The following CYRIB variants were observed in gnomAD, a reference collection of about 807,000 sequenced individuals.
The protein encoded by CYRIB is CYFIP-related Rac1 interactor B.
CYRIB carries 8 observed loss-of-function variants against 44.2 expected under a neutral mutation model. The ratio of observed to expected loss-of-function variants is 0.18; its 90% confidence interval spans 0.11 to 0.33. The LOEUF is 0.33. Among genes scored for constraint, CYRIB ranks in the 10% least tolerant of loss-of-function variants. CYRIB has a pLI of 1.00. For missense variants in CYRIB, 185 were observed against 382.8 expected, an observed-to-expected ratio of 0.48 and a Z score of 4.31; for synonymous variants, 131 against 127.2, an observed-to-expected ratio of 1.03 and a Z score of -0.20.
At chr8:129,861,859 A>G (rs1217601672) in intron 5 of CYRIB, among the ~76,000 whole-genome samples, 3 of 152,140 alleles carry the variant, frequency 2.0e-5, no homozygotes, top group Admixed American at 6.5e-5. Flanking sequence ...ATTATGAGAA[A>G]TCACTTGGTA....
At chr8:129,846,845 G>C (rs751442071) in exon 11 of CYRIB, 1 of 1,595,912 alleles carries the variant, frequency 6.3e-7, no homozygotes, top group Non-Finnish European at 8.5e-7. Context: ...TAGGAGGTTG[G>C]TCCTTAAGAA....
intron 2 of CYRIB, among the ~76,000 whole-genome samples, chr8:129,951,210 G>A (rs1002552173): frequency 1.2e-4 from 19 of 152,186 alleles, no homozygotes; most frequent in African/African-American, 3.6e-4. Flanking sequence ...AGGCTGGGGC[G>A]GGAGAATCAC....
intron 3 of CYRIB, among the ~76,000 whole-genome samples, chr8:129,875,619 A>C (rs2058837891): frequency 6.6e-6 from 1 of 152,152 alleles, no homozygotes; most frequent in Admixed American, 6.5e-5. Context: ...AAACAAAATA[A>C]AATCTTATCA....
chr8:129,990,740 T>C (rs1747701185), intron 1 of CYRIB, among the ~76,000 whole-genome samples: 2 of 151,866 alleles, frequency 1.3e-5, no homozygotes, highest in African/African-American at 4.8e-5. Flanking sequence ...CCCAGGCTTG[T>C]CTTGAACTCA....
intron 1 of CYRIB, among the ~76,000 whole-genome samples, chr8:129,982,227 G>GCCCT (rs2096265747): frequency 6.6e-6 from 1 of 152,156 alleles, no homozygotes; most frequent in African/African-American, 2.4e-5. Context: ...AGGCCCCAGA[G>GCCCT]CCCTGTCTGT....
At chr8:129,923,914 A>T (rs1290281245) in intron 1 of CYRIB, among the ~76,000 whole-genome samples, 2 of 149,984 alleles carry the variant, frequency 1.3e-5, no homozygotes, top group Non-Finnish European at 3.0e-5. Flanking sequence ...TTTTTTTTTT[A>T]AAACACTGCA....
intron 11 of CYRIB, chr8:129,844,152 C>A (rs2038364713): frequency 6.6e-6 from 1 of 152,164 alleles, no homozygotes. Flanking sequence ...GTAGAAAGAG[C>A]CAAGCAATGT....
Position 130,006,631 on chromosome 8 carries a change from T to TATATATGTGTATATATATACAC in CYRIB, c.-296+9738_-296+9739insGTGTATATATATACACATATAT, listed in dbSNP as rs1564799537. On this transcript the variant is annotated intron_variant, in intron 1 of 14. Transcript: ENST00000401979. The stretch of plus-strand genomic sequence containing the variant: ...ACATATATATGTGTATATATATACA[T>TATATATGTGTATATATATACAC]ATATATGTGTATATATATACATATA... Among the ~76,000 whole-genome samples, 2 of 96,908 alleles carry TATATATGTGTATATATATACAC rather than the reference T, an allele frequency of 2.1e-5. 1 individual carries two copies. The allele number at this position is 96,908 out of a possible 152,430, so 63.6% of individuals were successfully genotyped here.
At chr8:129,842,773 G>A (rs760605640) in intron 11 of CYRIB, among the ~76,000 whole-genome samples, 6 of 152,198 alleles carry the variant, frequency 3.9e-5, no homozygotes, top group Non-Finnish European at 8.8e-5. Context: ...TGGTGGCAGA[G>A]GTGAGGAGCT....
intron 1 of CYRIB, among the ~76,000 whole-genome samples, chr8:129,994,526 T>C (rs1412110552): frequency 6.6e-6 from 1 of 152,148 alleles, no homozygotes; most frequent in Non-Finnish European, 1.5e-5. Flanking sequence ...CGCAGAAGCC[T>C]GGGTGTTCAA....
chr8:129,974,312 A>G (rs2095832010), intron 1 of CYRIB, among the ~76,000 whole-genome samples: 1 of 152,248 alleles, frequency 6.6e-6, no homozygotes, highest in African/African-American at 2.4e-5. Context: ...GGAGCAAAAC[A>G]TCGCTTAAAT....
intron 1 of CYRIB, among the ~76,000 whole-genome samples, chr8:129,981,067 C>T (rs185594181): frequency 4.5e-4 from 69 of 152,018 alleles, no homozygotes; most frequent in Admixed American, 3.5e-3. Flanking sequence ...AGGAAGGAAA[C>T]GAACTATGGT....
chr8:129,987,976 T>C (rs2096525706), intron 1 of CYRIB, among the ~76,000 whole-genome samples: 1 of 152,204 alleles, frequency 6.6e-6, no homozygotes, highest in Non-Finnish European at 1.5e-5. Flanking sequence ...CTGACCCTGA[T>C]GTCTTCAATG....
intron 1 of CYRIB, among the ~76,000 whole-genome samples, chr8:129,930,210 CA>C (rs1205123071): frequency 2.0e-5 from 3 of 148,494 alleles, no homozygotes; most frequent in African/African-American, 5.0e-5. Context: ...GACTCTGTCT[CA>C]AAAAAAACAA....
At chr8:129,864,875 T>A (rs2052519054) in intron 4 of CYRIB, 4 of 397,908 alleles carry the variant, frequency 1.0e-5, no homozygotes. Context: ...TCCATAAAGC[T>A]ATAGAAGAAG....
chr8:129,993,392 G>GA (rs1480078332), intron 1 of CYRIB, among the ~76,000 whole-genome samples: 18 of 146,306 alleles, frequency 1.2e-4, no homozygotes, highest in South Asian at 2.2e-4. Context: ...GACTTTGCCT[G>GA]AAAAAAACAA....
At chr8:129,916,301 C>CCTA (rs1420248532) in intron 1 of CYRIB, among the ~76,000 whole-genome samples, 2 of 152,100 alleles carry the variant, frequency 1.3e-5, no homozygotes, top group African/African-American at 4.8e-5. Context: ...AAATGGTTAA[C>CCTA]CTACTTCTGT....
chr8:129,953,813 CG>C (rs1172695767), intron 2 of CYRIB, among the ~76,000 whole-genome samples: 2 of 152,140 alleles, frequency 1.3e-5, no homozygotes, highest in Non-Finnish European at 2.9e-5. Context: ...ATTGAACCCT[CG>C]CCCAAAATTA....
intron 2 of CYRIB, among the ~76,000 whole-genome samples, chr8:129,954,150 C>T (rs572442668): frequency 9.9e-5 from 15 of 152,272 alleles, no homozygotes; most frequent in African/African-American, 3.4e-4. Flanking sequence ...CTTGCCCAAG[C>T]TCTGGTCTTA....
Sources: allele counts gnomAD v4.1 joint callset (sites outside exome capture counted in the v4.1 genomes callset), GRCh38; gene constraint gnomAD v4.1.1; transcripts MANE v1.5; gene names NCBI Gene and HGNC (gene_info 2026-07-23, HGNC 2026-07-21).